Variants in GRB2 observed in about 807,000 individuals in gnomAD.
GRB2 encodes the protein growth factor receptor bound protein 2, also known as growth factor receptor-bound protein 2.
Under a neutral mutation model 27.4 loss-of-function variants are expected in GRB2, and 2 were observed. The observed-to-expected ratio is 0.07, with a 90% confidence interval of 0.03 to 0.23. The LOEUF is 0.23. Ranked by LOEUF, GRB2 falls within the 10% of genes least tolerant of loss-of-function variation. The probability of loss-of-function intolerance (pLI) is 1.00; values close to 1 mark genes in which losing one functional copy is unlikely to be tolerated. For missense variants in GRB2, 102 were observed against 282.4 expected (o/e 0.36, Z 4.58); for synonymous variants, 94 against 99.6 (o/e 0.94, Z 0.33).
In GRB2 at chr17:75,333,468, C is replaced by T. The variant is rs117371813; in HGVS notation, c.79-671G>A. 4.3e-3 allele frequency among the ~76,000 whole-genome samples: 655 copies of T among 152,218 alleles called. 3 individuals carry two copies. Among genetic ancestry groups the T allele is most frequent in the Admixed American group, 7.8e-3 (119 of 15,284 alleles). On this transcript the variant is annotated intron_variant, in intron 2 of 5. Coordinates refer to ENST00000316804, the MANE Select transcript of GRB2 (RefSeq NM_002086.5). ...CACATAGGAGAATAAGGGAGCCTGA[C>T]GAAGACAAAGTCTACTTTCTGGGAG...
At chr17:75,345,324 G>A (rs930895479) in intron 2 of GRB2, among the ~76,000 whole-genome samples, 45 of 152,060 alleles carry the variant, frequency 3.0e-4, no homozygotes, top group Admixed American at 1.4e-3. Context: ...GATTACAGGC[G>A]TGAACCACCG....
intron 2 of GRB2, among the ~76,000 whole-genome samples, chr17:75,377,346 C>T (rs2078900664): frequency 6.6e-6 from 1 of 151,804 alleles, no homozygotes; most frequent in Non-Finnish European, 1.5e-5. Context: ...AGTGGCCAGG[C>T]AGAGTGGTTC....
intron 2 of GRB2, among the ~76,000 whole-genome samples, chr17:75,338,042 G>C (rs895565022): frequency 3.5e-5 from 3 of 85,198 alleles, no homozygotes; most frequent in Admixed American, 1.3e-4. Flanking sequence ...GTGATTCTCT[G>C]CCTCAGCCTC....
intron 2 of GRB2, among the ~76,000 whole-genome samples, chr17:75,365,711 A>C (rs936375264): frequency 9.2e-5 from 14 of 152,324 alleles, no homozygotes; most frequent in East Asian, 1.9e-4. Context: ...AAGAAAAAAA[A>C]CCGCCAGTAC....
chr17:75,364,381 T>C (rs1241424901), intron 2 of GRB2, among the ~76,000 whole-genome samples: 2 of 152,202 alleles, frequency 1.3e-5, no homozygotes, highest in Non-Finnish European at 2.9e-5. Context: ...CCAGAATTCA[T>C]GACAAATTAG....
intron 2 of GRB2, among the ~76,000 whole-genome samples, chr17:75,380,821 G>A (rs762530401): frequency 5.4e-4 from 82 of 152,166 alleles, no homozygotes; most frequent in Admixed American, 1.3e-3. Context: ...ACATGCTGAG[G>A]GAAGGATGTT....
At chr17:75,403,005 G>A (rs753627914) in intron 1 of GRB2, among the ~76,000 whole-genome samples, 3 of 144,758 alleles carry the variant, frequency 2.1e-5, no homozygotes, top group Non-Finnish European at 4.5e-5. Flanking sequence ...AACCCAGGAG[G>A]TGGAAGTTGT....
At chr17:75,381,303 T>G (rs1202817720) in intron 2 of GRB2, among the ~76,000 whole-genome samples, 2 of 152,216 alleles carry the variant, frequency 1.3e-5, no homozygotes, top group East Asian at 1.9e-4. Context: ...AGGGACTTAT[T>G]GACTTTCCTA....
chr17:75,401,143 T>A (rs906630898), intron 1 of GRB2, among the ~76,000 whole-genome samples: 1 of 151,768 alleles, frequency 6.6e-6, no homozygotes, highest in African/African-American at 2.4e-5. Flanking sequence ...TACATCAGTA[T>A]GTGCTTAAAA....
intron 2 of GRB2, among the ~76,000 whole-genome samples, chr17:75,369,070 G>A (rs1376281145): frequency 1.3e-5 from 2 of 152,152 alleles, no homozygotes. Context: ...TCATGATCAT[G>A]GCAAATGGCA....
At chr17:75,371,973 G>A (rs977769163) in intron 2 of GRB2, 3 of 152,120 alleles carry the variant, frequency 2.0e-5, no homozygotes, top group African/African-American at 7.2e-5. Context: ...ATAAGAGTAA[G>A]ACTTTGCCGA....
chr17:75,359,615 C>T (rs1466157904), intron 2 of GRB2, among the ~76,000 whole-genome samples: 1 of 152,086 alleles, frequency 6.6e-6, no homozygotes. Flanking sequence ...TCCCCAATCT[C>T]CACCTGCCAG....
At chr17:75,324,119 A>C (rs1277797227) in intron 4 of GRB2, among the ~76,000 whole-genome samples, 2 of 151,470 alleles carry the variant, frequency 1.3e-5, no homozygotes, top group Non-Finnish European at 2.9e-5. Context: ...CACAACTATA[A>C]ATTTAAAATC....
intron 3 of GRB2, among the ~76,000 whole-genome samples, chr17:75,330,544 C>T (rs748287859): frequency 6.6e-6 from 1 of 152,038 alleles, no homozygotes; most frequent in South Asian, 2.1e-4. Context: ...AGTGGAGGCA[C>T]GCGCCTGTAG....
rs142536948 is a variant in GRB2, at chr17:75,346,298, C to T, written c.79-13501G>A. On this transcript the variant is annotated intron_variant, in intron 2 of 5. Coordinates refer to ENST00000316804, the MANE Select transcript of GRB2 (RefSeq NM_002086.5). ...CACTTGAGGTCAGGAGTTCAAGACC[C>T]GCCTGGCCAACATGGTAAAACCCTG... is the stretch of plus-strand genomic sequence containing the variant. Among the ~76,000 whole-genome samples the T allele has an allele frequency of 8.7e-3, 1,317 of 151,778 alleles. 17 individuals are homozygous for T. The highest frequency in any genetic ancestry group is 0.03 in the African/African-American group (1,240 of 41,396).
At chr17:75,376,348 A>AAAG (rs1335689317) in intron 2 of GRB2, among the ~76,000 whole-genome samples, 2 of 144,076 alleles carry the variant, frequency 1.4e-5, no homozygotes, top group Non-Finnish European at 3.0e-5. Flanking sequence ...CTGTCTCAAA[A>AAAG]AAAAAAAAAA....
At chr17:75,328,136 C>T (rs1028580519) in intron 3 of GRB2, among the ~76,000 whole-genome samples, 31 of 151,592 alleles carry the variant, frequency 2.0e-4, no homozygotes, top group Admixed American at 2.0e-3. Flanking sequence ...CCAGCCTGGC[C>T]AACGTGGTGA....
intron 2 of GRB2, chr17:75,372,024 A>G (rs148382334): frequency 5.3e-5 from 8 of 152,308 alleles, no homozygotes; most frequent in South Asian, 4.1e-4. Context: ...AGAAAACACA[A>G]TAATTATGGT....
chr17:75,318,862 C>G lies in GRB2; in HGVS notation c.*1506G>C, dbSNP rs1598213230. 3 of 152,258 alleles carry G rather than the reference C, an allele frequency of 2.0e-5. No homozygotes were observed. In the East Asian group the frequency reaches 5.8e-4, roughly 29 times the overall value. The allele number at this position is 152,258 out of a possible 1,614,324, so 9.4% of individuals were successfully genotyped here. On this transcript the variant is annotated 3_prime_UTR_variant, in exon 6 of 6. Transcript: ENST00000316804. ...TACCCCAGCATAGGAATAGTGAAAC[C>G]TGCTACAACTGGAGGCTGCGTTCCC...
Sources: allele counts gnomAD v4.1 joint callset (sites outside exome capture counted in the v4.1 genomes callset), GRCh38; gene constraint gnomAD v4.1.1; transcripts MANE v1.5; gene names NCBI Gene and HGNC (gene_info 2026-07-23, HGNC 2026-07-21).